Variants in EDDM13 observed in about 807,000 individuals in gnomAD.
The protein encoded by EDDM13 is epididymal protein 13.
A neutral mutation model predicts 17.8 loss-of-function variants in EDDM13; 24 were observed. That is an observed-to-expected ratio of 1.35 (90% CI 0.98 to 1.90). EDDM13 has a LOEUF of 1.90. Ranked by LOEUF, EDDM13 falls within the 40% of genes most tolerant of loss-of-function variation. The pLI, the probability that EDDM13 is intolerant of heterozygous loss-of-function variation, is 0.00. For missense variants in EDDM13, 97 were observed against 100.8 expected (o/e 0.96, Z 0.16); for synonymous variants, 31 against 37.5 (o/e 0.83, Z 0.63).
chr19:56,282,676 C>T (rs1460863487), intron 4 of EDDM13, among the ~76,000 whole-genome samples, 177 bp downstream of exon 4: 1 of 152,144 alleles, frequency 6.6e-6, no homozygotes, highest in African/African-American at 2.4e-5. Context: ...ACAACAACAA[C>T]AAAAGCCCTT....
chr19:56,281,571 T>C, intron 2 of EDDM13, 122 bp from the exon 3 acceptor site: 1 of 377,664 alleles, frequency 2.6e-6, no homozygotes, highest in Non-Finnish European at 3.6e-6. Context: ...AAATGTTCCA[T>C]GAAGGAATAA....
chr19:56,284,250 T>C (rs1406813972), intron 5 of EDDM13, 44 bp downstream of exon 5: 1 of 921,760 alleles, frequency 1.1e-6, no homozygotes, highest in Admixed American at 6.2e-5. Flanking sequence ...CTGTGCACTT[T>C]GGCGGGAAAT....
intron 12 of EDDM13, among the ~76,000 whole-genome samples, chr19:56,299,194 T>C (rs1262654564): frequency 6.6e-6 from 1 of 152,000 alleles, no homozygotes; most frequent in Non-Finnish European, 1.5e-5. Flanking sequence ...TGCAGTGGTA[T>C]GATCACGGCT....
At chr19:56,294,555 C>G (rs1237781984) in intron 9 of EDDM13, among the ~76,000 whole-genome samples, 7 of 152,142 alleles carry the variant, frequency 4.6e-5, no homozygotes, top group Non-Finnish European at 1.0e-4. Context: ...GCCAGGTGGT[C>G]TCTGCTGCCA....
At position 56,301,957 on chromosome 19, in the gene EDDM13, G is replaced by A. The variant is rs1372079016; in HGVS notation, c.296-11G>A. The A allele has an allele frequency of 1.6e-6, 2 of 1,231,930 alleles. No homozygotes were observed. Among genetic ancestry groups the A allele is most frequent in the Non-Finnish European group, 2.0e-6 (2 of 988,210 alleles). The allele number at this position is 1,231,930 out of a possible 1,614,324, so 76.3% of individuals were successfully genotyped here. ...GCCATCAGCATCAATCATCTCCACGGTTCTCTCCAGTTAAACCCTTCTCAG... is the reference window on the plus strand; with the variant it reads ...GCCATCAGCATCAATCATCTCCACGATTCTCTCCAGTTAAACCCTTCTCAG... On this transcript the variant is annotated splice_polypyrimidine_tract_variant and intron_variant, in intron 12 of 14. Coordinates refer to ENST00000649256, the MANE Select transcript of EDDM13 (RefSeq NM_001354658.2).
chr19:56,305,677 G>A (rs537062290), intron 14 of EDDM13, among the ~76,000 whole-genome samples: 2 of 152,312 alleles, frequency 1.3e-5, no homozygotes, highest in Admixed American at 1.3e-4. Context: ...GGGCAGACAA[G>A]ATTCCTGAGC....
At chr19:56,292,641 G>A (rs945311207) in intron 9 of EDDM13, among the ~76,000 whole-genome samples, 2 of 151,716 alleles carry the variant, frequency 1.3e-5, no homozygotes, top group South Asian at 4.1e-4. Flanking sequence ...ACAATGGTGT[G>A]CAACCATCAC....
chr19:56,284,467 G>A (rs2038950748), intron 5 of EDDM13, among the ~76,000 whole-genome samples: 1 of 105,056 alleles, frequency 9.5e-6, no homozygotes, highest in South Asian at 3.4e-4. Context: ...GGGAAACAGA[G>A]ATAAGTAAAC....
chr19:56,300,122 C>T (rs1209673283), intron 12 of EDDM13: 2 of 152,128 alleles, frequency 1.3e-5, no homozygotes, highest in Non-Finnish European at 2.9e-5. Context: ...AAAATATCCT[C>T]CAAACCCAGA....
At chr19:56,288,255 C>T (rs1446179850) in intron 6 of EDDM13, among the ~76,000 whole-genome samples, 130 bp from the exon 7 acceptor site, 1 of 152,194 alleles carries the variant, frequency 6.6e-6, no homozygotes, top group African/African-American at 2.4e-5. Context: ...AGGTGGGCTC[C>T]TTCAAGCCCC....
chr19:56,277,879 C>T (rs2038382701), intron 2 of EDDM13, among the ~76,000 whole-genome samples: 1 of 152,100 alleles, frequency 6.6e-6, no homozygotes, highest in Admixed American at 6.6e-5. Flanking sequence ...CACCAAAAAC[C>T]ACTTGTACCC....
chr19:56,282,446 T>C, intron 3 of EDDM13, 45 bp from the exon 4 acceptor site: 1 of 983,318 alleles, frequency 1.0e-6, no homozygotes, highest in Non-Finnish European at 1.2e-6. Flanking sequence ...TGGTTCCCAC[T>C]GGCTACCATC....
intron 13 of EDDM13, among the ~76,000 whole-genome samples, chr19:56,303,217 C>T (rs1310823089): frequency 6.6e-5 from 10 of 152,274 alleles, no homozygotes; most frequent in South Asian, 2.1e-4. Context: ...CGGTGGCTCA[C>T]GCTTGTCATC....
Position 56,272,757 on chromosome 19 carries a change from G to A in EDDM13, c.-78G>A. ...GTGGGCAGTTAGTTTTGTCCCTGGA[G>A]CCTGGGAAGACGGTGGGTGACCAGA... On this transcript the variant is annotated 5_prime_UTR_variant, in exon 1 of 15. Coordinates refer to ENST00000649256, the MANE Select transcript of EDDM13 (RefSeq NM_001354658.2). 1 of 528,838 alleles carries A rather than the reference G, an allele frequency of 1.9e-6. No homozygotes were observed. The highest frequency in any genetic ancestry group is 2.4e-6 in the Non-Finnish European group (1 of 412,826). 32.8% of individuals were successfully genotyped at this position (528,838 alleles called of 1,614,324 possible). A position where few individuals can be genotyped will look rare whatever the true frequency, so the allele number is the denominator to read the frequency against.
intron 9 of EDDM13, among the ~76,000 whole-genome samples, chr19:56,294,544 G>A (rs2039731996): frequency 6.6e-6 from 1 of 152,034 alleles, no homozygotes; most frequent in South Asian, 2.1e-4. Context: ...AGGCTTTCAG[G>A]GCCAGGTGGT....
intron 9 of EDDM13, among the ~76,000 whole-genome samples, chr19:56,293,229 C>G (rs1420799301): frequency 3.9e-5 from 6 of 152,308 alleles, no homozygotes; most frequent in Non-Finnish European, 7.3e-5. Flanking sequence ...TGACTCATGA[C>G]AGTCCCCAAG....
intron 12 of EDDM13, among the ~76,000 whole-genome samples, chr19:56,301,718 G>A (rs975340867): frequency 6.6e-6 from 1 of 152,064 alleles, no homozygotes; most frequent in East Asian, 1.9e-4. Flanking sequence ...GGCAAGACAG[G>A]GTCAGATTTG....
intron 8 of EDDM13, among the ~76,000 whole-genome samples, 148 bp downstream of exon 8, chr19:56,289,039 A>G (rs1159555317): frequency 2.0e-5 from 3 of 152,206 alleles, no homozygotes; most frequent in Admixed American, 6.5e-5. Context: ...TCATCAGTAC[A>G]GATTCTGCCA....
rs2038999491 is a variant in EDDM13, at chr19:56,285,024, G to T, written c.154G>T (p.Gly52Cys). ...TCTCATGAGCAGACTGTCACCGGAT[G>T]GTAAGTGTCAGGATTGTATCTTTTA... ...IGLMSRLSPD[G>C]LRHNITSLKM... The change falls in exon 6 of 15, where the codon GGT becomes TGT. Residue 52 changes from glycine to cysteine, a missense_variant and splice_region_variant. Gly to Cys is a radical substitution (Grantham distance 159, BLOSUM62 -3). Coordinates refer to ENST00000649256, the MANE Select transcript of EDDM13 (RefSeq NM_001354658.2). 1.0e-6 allele frequency: 1 copy of T among 985,304 alleles called. No individual in the cohort carries two copies. Among genetic ancestry groups the T allele is most frequent in the Non-Finnish European group, 1.2e-6 (1 of 829,826 alleles). 61.0% of individuals were successfully genotyped at this position (985,304 alleles called of 1,614,324 possible). A position where few individuals can be genotyped will look rare whatever the true frequency, so the allele number is the denominator to read the frequency against.
Sources: allele counts gnomAD v4.1 joint callset (sites outside exome capture counted in the v4.1 genomes callset), GRCh38; gene constraint gnomAD v4.1.1; transcripts MANE v1.5; gene names NCBI Gene and HGNC (gene_info 2026-07-23, HGNC 2026-07-21).